Variants in DENND3 observed in about 807,000 individuals in gnomAD.
DENND3 encodes DENN domain-containing protein 3.
DENND3 carries 88 observed loss-of-function variants against 135.1 expected under a neutral mutation model. The ratio of observed to expected loss-of-function variants is 0.65; its 90% CI spans 0.55 to 0.78. The LOEUF (loss-of-function observed/expected upper bound fraction) is 0.78. Ranked by LOEUF, DENND3 falls within the 30% of genes least tolerant of loss-of-function variation. The pLI is 0.00. For synonymous variants in DENND3, 693 were observed against 712.3 expected (o/e 0.97, Z 0.43); for missense variants, 1,392 against 1,688.4 (o/e 0.82, Z 3.08).
At chr8:141,156,565 T>C (rs1209197427) in intron 8 of DENND3, among the ~76,000 whole-genome samples, 1 of 151,792 alleles carries the variant, frequency 6.6e-6, no homozygotes, top group Non-Finnish European at 1.5e-5. Flanking sequence ...CATTCATTCA[T>C]TCACTCATTC....
Position 141,166,919 on chromosome 8 carries a change from T to C in DENND3, c.1753+530T>C, listed in dbSNP as rs574420317. Reference sequence around the variant, plus strand: ...AGGCCAAGCCCAGCCTCGCGCCTTCTTGGGGAGGTACGTCCTGTCCCTAGT... The same window carrying C: ...AGGCCAAGCCCAGCCTCGCGCCTTCCTGGGGAGGTACGTCCTGTCCCTAGT... On this transcript the variant is annotated intron_variant, in intron 12 of 22. Coordinates refer to ENST00000519811, the MANE Select transcript of DENND3 (RefSeq NM_001352890.3). This position sits in a 1 kb window ranked among gnomAD's most constrained non-coding sequence, Gnocchi z 4.3. Among the ~76,000 whole-genome samples the C allele has an allele frequency of 0.014, 2,120 of 152,268 alleles. 47 individuals carry two copies. Among genetic ancestry groups the C allele is most frequent in the African/African-American group, 0.048 (1,997 of 41,538 alleles).
intron 9 of DENND3, among the ~76,000 whole-genome samples, chr8:141,161,263 A>C (rs1820099853): frequency 6.6e-6 from 1 of 152,242 alleles, no homozygotes; most frequent in South Asian, 2.1e-4. Flanking sequence ...AGGGACAGAC[A>C]GGCCATTTTG....
intron 8 of DENND3, among the ~76,000 whole-genome samples, chr8:141,159,770 C>T (rs887987785): frequency 1.3e-5 from 2 of 152,178 alleles, no homozygotes; most frequent in African/African-American, 4.8e-5. Flanking sequence ...GTTGGGAAGG[C>T]CAGGGGTCCA....
intron 13 of DENND3, among the ~76,000 whole-genome samples, chr8:141,170,296 C>T (rs983360709): frequency 3.3e-5 from 5 of 152,102 alleles, no homozygotes; most frequent in African/African-American, 7.2e-5. Context: ...ACAAGCGCTG[C>T]GGAATGCAGT....
At chr8:141,151,563 C>T in intron 6 of DENND3, 56 bp from the exon 7 acceptor site, 3 of 1,419,892 alleles carry the variant, frequency 2.1e-6, no homozygotes, top group Non-Finnish European at 3.0e-6. Context: ...GAGACCCTGT[C>T]TGTATTTTTT....
At position 141,138,757 on chromosome 8, in the gene DENND3, GCCTGCTTGTCT is replaced by G. The variant is rs1589543578; in HGVS notation, c.501+621_501+631del. On this transcript the variant is annotated intron_variant, in intron 3 of 22. Transcript: ENST00000519811. This position sits in a 1 kb window ranked among gnomAD's most constrained non-coding sequence, Gnocchi z 4.8. Reference sequence around the variant, plus strand: ...TGTAAGTGGACTCATACAGCATGTGGCCTGCTTGTCTGACTTCTTTCCCTCAGCATGTTTTG... The same window carrying G: ...TGTAAGTGGACTCATACAGCATGTGGGACTTCTTTCCCTCAGCATGTTTTG... Among the ~76,000 whole-genome samples, 1 of 152,202 alleles carries G rather than the reference GCCTGCTTGTCT, an allele frequency of 6.6e-6. No homozygotes were observed. Among genetic ancestry groups the G allele is most frequent in the East Asian group, 1.9e-4 (1 of 5,196 alleles).
Position 141,141,484 on chromosome 8 carries a change from G to A in DENND3, c.623+160G>A. On this transcript the variant is annotated intron_variant, in intron 4 of 22. Coordinates refer to ENST00000519811, the MANE Select transcript of DENND3 (RefSeq NM_001352890.3). The surrounding 1 kb of genome is among the most constrained non-coding windows in gnomAD (Gnocchi z 5.3). ...GGCGCTGGGGGCAGTAGGAGGGGCAGTTCTCTGTGCCTCTTAGGCTGTTGC... is the reference window on the plus strand; with the variant it reads ...GGCGCTGGGGGCAGTAGGAGGGGCAATTCTCTGTGCCTCTTAGGCTGTTGC... 1.2e-6 allele frequency: 1 copy of A among 819,044 alleles called. No homozygotes were observed. The highest frequency in any genetic ancestry group is 1.7e-5 in the South Asian group (1 of 58,348). 50.7% of individuals were successfully genotyped at this position (819,044 alleles called of 1,614,324 possible).
rs550573679 is a variant in DENND3 at position 141,130,889 on chromosome 8, G to A, written c.102+2080G>A. On this transcript the variant is annotated intron_variant, in intron 1 of 22. Transcript: ENST00000519811. The surrounding 1 kb of genome is among the most constrained non-coding windows in gnomAD (Gnocchi z 4.2). ...TTTAGTAGAGACAGGGTTTCACCAC[G>A]TTGGTCAGGCTGGTCTCAAACTCCT... Among the ~76,000 whole-genome samples, 12 of 152,254 alleles carry A rather than the reference G, an allele frequency of 7.9e-5. No individual in the cohort carries two copies. Among genetic ancestry groups the A allele is most frequent in the African/African-American group, 1.9e-4 (8 of 41,534 alleles).
At chr8:141,150,697 A>T in intron 5 of DENND3, 137 bp from the exon 6 acceptor site, 1 of 1,150,980 alleles carries the variant, frequency 8.7e-7, no homozygotes, top group African/African-American at 1.5e-5. Flanking sequence ...TATTCTGCAG[A>T]ATTTAACGTG....
chr8:141,176,345 C>T, intron 14 of DENND3: 1 of 484,368 alleles, frequency 2.1e-6, no homozygotes, highest in Non-Finnish European at 3.6e-6. Flanking sequence ...AAAGAATGCG[C>T]TGCCTTCGGA....
intron 17 of DENND3, among the ~76,000 whole-genome samples, chr8:141,183,492 A>G (rs1309722635): frequency 6.8e-6 from 1 of 146,858 alleles, no homozygotes; most frequent in African/African-American, 2.5e-5. Flanking sequence ...CCTGAGCTTG[A>G]GCAGTCTGCC....
rs139455055 is a variant in DENND3 at position 141,139,118 on chromosome 8, C to T, written c.501+981C>T. The stretch of plus-strand genomic sequence containing the variant: ...CCAGAGGGTTTCCCGAAGCAAAAAG[C>T]GAGCCGGAGCCTTAATTTAGGTGCC... On this transcript the variant is annotated intron_variant, in intron 3 of 22. Coordinates refer to ENST00000519811, the MANE Select transcript of DENND3 (RefSeq NM_001352890.3). This position sits in a 1 kb window ranked among gnomAD's most constrained non-coding sequence, Gnocchi z 4.2. 3.3e-5 allele frequency among the ~76,000 whole-genome samples: 5 copies of T among 152,224 alleles called. No individual in the cohort carries two copies. Among genetic ancestry groups the T allele is most frequent in the African/African-American group, 4.8e-5 (2 of 41,528 alleles).
Position 141,168,286 on chromosome 8 carries a change from C to T in DENND3, c.2036C>T (p.Thr679Met), listed in dbSNP as rs144554854. The T allele has an allele frequency of 1.0e-4, 168 of 1,614,062 alleles. No individual in the cohort carries two copies. The highest frequency in any genetic ancestry group is 9.9e-4 in the Middle Eastern group (6 of 6,060). Residue 679 changes from threonine to methionine, a missense_variant, in exon 13 of 23, where the codon ACG (threonine) becomes ATG (methionine). Physicochemically the swap from Thr to Met is moderately conservative, Grantham distance 81 (BLOSUM62 -1). Coordinates refer to ENST00000519811, the MANE Select transcript of DENND3 (RefSeq NM_001352890.3). This position sits in a 1 kb window ranked among gnomAD's most constrained non-coding sequence, Gnocchi z 6.2. ...TTTCCCACTGATTTGGTGAAGAGGA[C>T]GGTGGAATCCATGTCTGCCCCTGAG... Reference protein sequence around the residue: ...RIFPTDLVKRTVESMSAPEWE... With the variant: ...RIFPTDLVKRMVESMSAPEWE...
chr8:141,164,036 A>G (rs1735143660), intron 10 of DENND3, among the ~76,000 whole-genome samples: 1 of 151,758 alleles, frequency 6.6e-6, no homozygotes, highest in Admixed American at 6.6e-5. Flanking sequence ...GAACATTTCC[A>G]TGGCTCCAGT....
At chr8:141,185,344 T>C (rs2154613480) in intron 18 of DENND3, 66 bp downstream of exon 18, 4 of 1,600,022 alleles carry the variant, frequency 2.5e-6, no homozygotes, top group Non-Finnish European at 3.4e-6. Flanking sequence ...CCAAGTGTGT[T>C]CATCCATATT....
At chr8:141,157,618 CTGCATTGG>C in intron 8 of DENND3, 3 of 985,950 alleles carry the variant, frequency 3.0e-6, no homozygotes, top group Non-Finnish European at 3.6e-6. Flanking sequence ...CTTCCTTTGT[CTGCATTGG>C]GAGGAGTGGG....
At position 141,183,419 on chromosome 8, in the gene DENND3, A is replaced by ATTTTTT. The variant is rs1224506549; in HGVS notation, c.2945-1707_2945-1702dup. Among the ~76,000 whole-genome samples the ATTTTTT allele has an allele frequency of 9.0e-3, 1,094 of 121,594 alleles. 4 individuals are homozygous for ATTTTTT. Among genetic ancestry groups the ATTTTTT allele is most frequent in the Non-Finnish European group, 0.016 (904 of 55,164 alleles). 79.8% of individuals were successfully genotyped at this position (121,594 alleles called of 152,430 possible). A position where few individuals can be genotyped will look rare whatever the true frequency, so the allele number is the denominator to read the frequency against. ...ACCACTATGCCCAGCCAATTTTTGTATTTTTTTTTTTTTTTTTTGTAGAGA... is the reference window on the plus strand; with the variant it reads ...ACCACTATGCCCAGCCAATTTTTGTATTTTTTTTTTTTTTTTTTTTTTTTGTAGAGA... On this transcript the variant is annotated intron_variant, in intron 17 of 22. Coordinates refer to ENST00000519811, the MANE Select transcript of DENND3 (RefSeq NM_001352890.3).
At position 141,154,049 on chromosome 8, in the gene DENND3, G is replaced by A. The variant is rs375788510; in HGVS notation, c.1075-1800G>A. On this transcript the variant is annotated intron_variant, in intron 7 of 22. Transcript: ENST00000519811. This position sits in a 1 kb window ranked among gnomAD's most constrained non-coding sequence, Gnocchi z 4.4. The stretch of plus-strand genomic sequence containing the variant: ...CTTGTGTCTCCCAAAGACGCTGGGC[G>A]TTAACACATCCACGGGACCGGCTGT... Among the ~76,000 whole-genome samples, 56 of 152,210 alleles carry A rather than the reference G, an allele frequency of 3.7e-4. No homozygotes were observed. Among genetic ancestry groups the A allele is most frequent in the Non-Finnish European group, 4.4e-4 (30 of 68,040 alleles).
Position 141,141,190 on chromosome 8 carries a change from G to C in DENND3, c.502-13G>C. ...GTGGGGAGGTGACCATGTCGCTGTT[G>C]CTTTTCATGTAGGATGAGTACTGTT... On this transcript the variant is annotated splice_polypyrimidine_tract_variant and intron_variant, in intron 3 of 22. Coordinates refer to ENST00000519811, the MANE Select transcript of DENND3 (RefSeq NM_001352890.3). This position sits in a 1 kb window ranked among gnomAD's most constrained non-coding sequence, Gnocchi z 5.3. 6.2e-7 allele frequency: 1 copy of C among 1,614,194 alleles called. No homozygotes were observed. The highest frequency in any genetic ancestry group is 8.5e-7 in the Non-Finnish European group (1 of 1,180,022).
Sources: gnomAD v4.1 joint callset for allele counts (sites outside exome capture counted in the v4.1 genomes callset) on GRCh38, gnomAD v4.1.1 for gene constraint, Gnocchi (gnomAD v3.1) non-coding constraint, MANE v1.5 for transcripts, NCBI Gene and HGNC (gene_info 2026-07-23, HGNC 2026-07-21) for gene names.